GRM8: variants seen among roughly 807,000 people sequenced by gnomAD.
The protein encoded by GRM8 is metabotropic glutamate receptor 8.
In GRM8, 47 loss-of-function variants were observed where a neutral mutation model predicts 87.2. The ratio of observed to expected loss-of-function variants is 0.54; its 90% CI spans 0.43 to 0.69. GRM8 has a LOEUF of 0.69. GRM8 is among the 30% of genes least tolerant of loss of function. The pLI is 0.00. For missense variants in GRM8, 1,019 were observed against 1,139.2 expected, an observed-to-expected ratio of 0.89 and a Z score of 1.52; for synonymous variants, 396 against 404.5, an observed-to-expected ratio of 0.98 and a Z score of 0.25.
At chr7:126,851,257 C>A (rs1219625427) in intron 6 of GRM8, among the ~76,000 whole-genome samples, 6 of 152,136 alleles carry the variant, frequency 3.9e-5, no homozygotes, top group African/African-American at 1.4e-4. Context: ...GAACTTGTCA[C>A]CTCTCCAGGG....
In GRM8 at chr7:126,544,294, A is replaced by G. The variant is rs1371105807; in HGVS notation, c.1495-10407T>C. ...TAAACTAGTCTATGACTAGAAATGT[A>G]TAACTTCTCTCTATTTAGTGTTTTG... On this transcript the variant is annotated intron_variant, in intron 8 of 10. Coordinates refer to ENST00000339582, the MANE Select transcript of GRM8 (RefSeq NM_000845.3). Among the ~76,000 whole-genome samples, 76 of 152,130 alleles carry G rather than the reference A, an allele frequency of 5.0e-4. 1 individual carries two copies. The highest frequency in any genetic ancestry group is 1.3e-4 in the Non-Finnish European group (9 of 68,028).
intron 3 of GRM8, among the ~76,000 whole-genome samples, chr7:127,047,607 T>G (rs530009979): frequency 1.3e-5 from 2 of 152,052 alleles, no homozygotes; most frequent in African/African-American, 4.8e-5. Flanking sequence ...GGCAGGAGTA[T>G]CAGATTGAGC....
intron 8 of GRM8, among the ~76,000 whole-genome samples, chr7:126,583,375 TA>T (rs1585121766): frequency 1.3e-5 from 2 of 151,262 alleles, no homozygotes; most frequent in Admixed American, 6.6e-5. Flanking sequence ...ACACATAAAA[TA>T]ATAAAAATAA....
intron 7 of GRM8, among the ~76,000 whole-genome samples, chr7:126,665,653 CACTA>C (rs923269469): frequency 1.1e-4 from 17 of 152,218 alleles, no homozygotes; most frequent in South Asian, 4.2e-4. Flanking sequence ...GTACCATACT[CACTA>C]ACTAAGTGAT....
At chr7:126,501,596 A>G (rs1237461495) in intron 9 of GRM8, among the ~76,000 whole-genome samples, 1 of 152,044 alleles carries the variant, frequency 6.6e-6, no homozygotes, top group African/African-American at 2.4e-5. Context: ...CTTAGAAACA[A>G]CAGTGAGTAA....
intron 7 of GRM8, among the ~76,000 whole-genome samples, chr7:126,646,754 G>T (rs1419485): frequency 0.31 from 46,850 of 152,104 alleles, 8,087 homozygotes; most frequent in East Asian, 0.43. Flanking sequence ...GTGATTAAAT[G>T]ATATAATCCA....
intron 2 of GRM8, among the ~76,000 whole-genome samples, chr7:127,181,280 A>C (rs1794418733): frequency 6.6e-6 from 1 of 152,112 alleles, no homozygotes; most frequent in Non-Finnish European, 1.5e-5. Context: ...TTAGGAATAC[A>C]CCTAACCAAG....
intron 9 of GRM8, among the ~76,000 whole-genome samples, chr7:126,529,401 C>A (rs933221974): frequency 6.6e-6 from 1 of 152,046 alleles, no homozygotes; most frequent in African/African-American, 2.4e-5. Flanking sequence ...TCCACAACAA[C>A]GATGACTTTT....
chr7:126,711,643 C>T (rs1159988790), intron 7 of GRM8, among the ~76,000 whole-genome samples: 1 of 152,220 alleles, frequency 6.6e-6, no homozygotes, highest in Non-Finnish European at 1.5e-5. Context: ...AGATGACATC[C>T]TCTTCCAAGA....
chr7:126,917,552 T>A (rs897189405), intron 3 of GRM8, among the ~76,000 whole-genome samples: 2 of 152,202 alleles, frequency 1.3e-5, no homozygotes, highest in African/African-American at 4.8e-5. Context: ...ATCCTAATGC[T>A]ATCAGGTTAG....
chr7:126,680,325 T>C (rs1241226644), intron 7 of GRM8, among the ~76,000 whole-genome samples: 1 of 152,228 alleles, frequency 6.6e-6, no homozygotes, highest in African/African-American at 2.4e-5. Context: ...AATAAGAGTG[T>C]TGAAATATAT....
At chr7:127,125,145 G>A (rs552859451) in intron 2 of GRM8, among the ~76,000 whole-genome samples, 1 of 152,184 alleles carries the variant, frequency 6.6e-6, no homozygotes, top group African/African-American at 2.4e-5. Flanking sequence ...TCTAAAATTT[G>A]TATGGAAATG....
At chr7:126,730,493 T>C (rs1813469851) in intron 7 of GRM8, among the ~76,000 whole-genome samples, 1 of 151,968 alleles carries the variant, frequency 6.6e-6, no homozygotes, top group African/African-American at 2.4e-5. Context: ...GAATTTGGGG[T>C]AGACTGTGGG....
chr7:127,102,175 C>G (rs1331929430), intron 3 of GRM8, among the ~76,000 whole-genome samples: 1 of 152,152 alleles, frequency 6.6e-6, no homozygotes, highest in Admixed American at 6.5e-5. Flanking sequence ...TAACCTATAT[C>G]AGATGTGGGA....
chr7:127,062,152 A>G (rs1820660518), intron 3 of GRM8, among the ~76,000 whole-genome samples: 1 of 151,682 alleles, frequency 6.6e-6, no homozygotes. Flanking sequence ...AAAAAAAAAA[A>G]AAAAGGAGAG....
At chr7:126,583,108 C>G (rs1021879683) in intron 8 of GRM8, among the ~76,000 whole-genome samples, 2 of 152,152 alleles carry the variant, frequency 1.3e-5, no homozygotes, top group African/African-American at 2.4e-5. Flanking sequence ...GTAGTCCCAG[C>G]ACTTTGGGAG....
At chr7:126,676,855 A>G (rs1282429148) in intron 7 of GRM8, among the ~76,000 whole-genome samples, 2 of 152,214 alleles carry the variant, frequency 1.3e-5, no homozygotes, top group East Asian at 3.8e-4. Context: ...GAATGCAATA[A>G]AAAGAAATAA....
intron 7 of GRM8, among the ~76,000 whole-genome samples, chr7:126,707,351 G>GA (rs1810632761): frequency 6.6e-6 from 1 of 152,038 alleles, no homozygotes; most frequent in South Asian, 2.1e-4. Flanking sequence ...TTTCAGAGAG[G>GA]AGTCCAAGTT....
chr7:126,726,273 A>AC, intron 7 of GRM8, among the ~76,000 whole-genome samples: 1 of 151,154 alleles, frequency 6.6e-6, no homozygotes, highest in Non-Finnish European at 1.5e-5. Flanking sequence ...GCAGTCACAG[A>AC]CCCCTTGTTC....
Sources: gnomAD v4.1 joint callset for allele counts (sites outside exome capture counted in the v4.1 genomes callset) on GRCh38, gnomAD v4.1.1 for gene constraint, MANE v1.5 for transcripts, NCBI Gene and HGNC (gene_info 2026-07-23, HGNC 2026-07-21) for gene names.